STK33: variants seen among roughly 807,000 people sequenced by gnomAD.
The protein encoded by STK33 is serine/threonine kinase 33.
Under a neutral mutation model 58.0 loss-of-function variants are expected in STK33, and 52 were observed. That is an observed-to-expected ratio of 0.90 (90% confidence interval 0.72 to 1.13). The LOEUF (loss-of-function observed/expected upper bound fraction) is 1.13. Among genes scored for constraint, STK33 ranks in the 50% most tolerant of loss-of-function variants. The pLI, the probability that STK33 is intolerant of heterozygous loss-of-function variation, is 0.00. For synonymous variants in STK33, 215 were observed against 200.1 expected, an observed-to-expected ratio of 1.07 and a Z score of -0.63; for missense variants, 630 against 604.2, an observed-to-expected ratio of 1.04 and a Z score of -0.45.
the STK33 span, among the ~76,000 whole-genome samples, chr11:8,343,564 A>AC: frequency 1.3e-4 from 20 of 152,316 alleles, no homozygotes; most frequent in African/African-American, 4.8e-4. Flanking sequence ...AGAACAGGGA[A>AC]AGGGTGGGGA....
At chr11:8,429,409 CT>C (rs1943150441) in intron 14 of STK33, among the ~76,000 whole-genome samples, 1 of 152,188 alleles carries the variant, frequency 6.6e-6, no homozygotes, top group Non-Finnish European at 1.5e-5. Flanking sequence ...ACCAGCACTT[CT>C]AGACTTTAAT....
rs879392901 is a variant in STK33, at chr11:8,538,185, C to CA, written c.-466+55897dup. Among the ~76,000 whole-genome samples, 281 of 134,426 alleles carry CA rather than the reference C, an allele frequency of 2.1e-3. 1 individual carries two copies. Among genetic ancestry groups the CA allele is most frequent in the African/African-American group, 3.7e-3 (135 of 36,406 alleles). 88.2% of individuals were successfully genotyped at this position (134,426 alleles called of 152,430 possible). On this transcript the variant is annotated intron_variant, in intron 1 of 15. Transcript: ENST00000687296. ...CCTCAGTGGCAGAGCCAGACAGTATCAAAAAAAAAAAAGAGTAACAATAAC... is the reference window on the plus strand; with the variant it reads ...CCTCAGTGGCAGAGCCAGACAGTATCAAAAAAAAAAAAAGAGTAACAATAAC...
intron 1 of STK33, among the ~76,000 whole-genome samples, chr11:8,560,075 C>G (rs970405547): frequency 2.6e-5 from 4 of 152,042 alleles, no homozygotes; most frequent in African/African-American, 9.7e-5. Context: ...CAAATGGTTT[C>G]TATTACAAAT....
At chr11:8,371,631 TC>T in the STK33 span, among the ~76,000 whole-genome samples, 4 of 103,518 alleles carry the variant, frequency 3.9e-5, no homozygotes, top group East Asian at 5.1e-4. Flanking sequence ...TTTCCTTCCT[TC>T]CTTCTTTCTT....
Position 8,491,991 on chromosome 11 carries a change from C to T in STK33, c.-465-11377G>A, listed in dbSNP as rs560035046. Among the ~76,000 whole-genome samples, 308 of 152,234 alleles carry T rather than the reference C, an allele frequency of 2.0e-3. 2 individuals carry two copies. The highest frequency in any genetic ancestry group is 6.8e-3 in the African/African-American group (281 of 41,542). On this transcript the variant is annotated intron_variant, in intron 1 of 15. Coordinates refer to ENST00000687296, the MANE Select transcript of STK33 (RefSeq NM_001352389.2). ...ACCAGTACCAGCCACTGCAAAAACA[C>T]GCCAAATTGTAAAGACCATCAATGC...
chr11:8,508,924 C>T (rs937460811), intron 1 of STK33, among the ~76,000 whole-genome samples: 2 of 152,066 alleles, frequency 1.3e-5, no homozygotes, highest in Non-Finnish European at 2.9e-5. Context: ...CGAGACCAGC[C>T]TGACCAACAT....
intron 1 of STK33, among the ~76,000 whole-genome samples, chr11:8,518,379 G>T (rs1565250871): frequency 6.6e-6 from 1 of 152,132 alleles, no homozygotes; most frequent in African/African-American, 2.4e-5. Context: ...ACCAGCCACT[G>T]CAAAAAACAT....
chr11:8,516,428 G>A (rs1175809876), intron 1 of STK33, among the ~76,000 whole-genome samples: 3 of 152,234 alleles, frequency 2.0e-5, no homozygotes, highest in African/African-American at 4.8e-5. Flanking sequence ...CTCCCAGCGT[G>A]AGCGACAAAG....
chr11:8,544,319 GTA>G (rs947277357), intron 1 of STK33, among the ~76,000 whole-genome samples: 1 of 146,406 alleles, frequency 6.8e-6, no homozygotes, highest in Non-Finnish European at 1.5e-5. Context: ...TATAAAATAT[GTA>G]TATATATATT....
the STK33 span, among the ~76,000 whole-genome samples, chr11:8,359,390 A>T: frequency 6.6e-6 from 1 of 152,208 alleles, no homozygotes; most frequent in East Asian, 1.9e-4. Context: ...CAGGGAAAAA[A>T]GTTATGCGTA....
In STK33 at chr11:8,400,281, C is replaced by G. The variant is rs575066862; in HGVS notation, c.1345-7571G>C. Among the ~76,000 whole-genome samples, 536 of 152,166 alleles carry G rather than the reference C, an allele frequency of 3.5e-3. 1 individual carries two copies. The highest frequency in any genetic ancestry group is 0.01 in the Middle Eastern group (3 of 294). ...AAAAGCTTATCCACCATGATCAAGC[C>G]GGCTTCATCCCTGGGATGCAAGGCT... On this transcript the variant is annotated intron_variant, in intron 15 of 15. Coordinates refer to ENST00000687296, the MANE Select transcript of STK33 (RefSeq NM_001352389.2).
the STK33 span, among the ~76,000 whole-genome samples, chr11:8,338,260 C>A: frequency 6.6e-6 from 1 of 152,290 alleles, no homozygotes; most frequent in South Asian, 2.1e-4. Context: ...ACACAGGATG[C>A]CCAGCCCCGA....
At chr11:8,410,405 G>A (rs943278375) in intron 15 of STK33, among the ~76,000 whole-genome samples, 1 of 150,120 alleles carries the variant, frequency 6.7e-6, no homozygotes, top group African/African-American at 2.5e-5. Context: ...TAACAACTAG[G>A]TTTTCAGTCA....
At chr11:8,415,033 C>T (rs556026557) in intron 14 of STK33, among the ~76,000 whole-genome samples, 20 of 152,056 alleles carry the variant, frequency 1.3e-4, no homozygotes, top group Non-Finnish European at 2.6e-4. Flanking sequence ...CTCATCTGAA[C>T]GGGTTCTGCT....
At position 8,519,094 on chromosome 11, in the gene STK33, A is replaced by C. The variant is rs573406559; in HGVS notation, c.-465-38480T>G. On this transcript the variant is annotated intron_variant, in intron 1 of 15. Coordinates refer to ENST00000687296, the MANE Select transcript of STK33 (RefSeq NM_001352389.2). The stretch of plus-strand genomic sequence containing the variant: ...AAAATTGACCACATAGTTGGAAGTA[A>C]AGCACTCCTTAGCAAATGTAAAAGA... 1.3e-4 allele frequency among the ~76,000 whole-genome samples: 20 copies of C among 152,346 alleles called. No individual in the cohort carries two copies. In the South Asian group the frequency reaches 3.5e-3, roughly 27 times the overall value.
At chr11:8,500,296 G>GA (rs985158978) in intron 1 of STK33, among the ~76,000 whole-genome samples, 5 of 151,432 alleles carry the variant, frequency 3.3e-5, no homozygotes, top group African/African-American at 1.2e-4. Context: ...ATCCTGTATG[G>GA]AAAAAATCCT....
intron 9 of STK33, among the ~76,000 whole-genome samples, chr11:8,455,379 GAC>G (rs1325966966): frequency 6.6e-6 from 1 of 152,040 alleles, no homozygotes; most frequent in East Asian, 1.9e-4. Context: ...AAACCCTTGA[GAC>G]ACAAAATCTC....
chr11:8,344,332 T>C, the STK33 span, among the ~76,000 whole-genome samples: 4 of 152,124 alleles, frequency 2.6e-5, no homozygotes, highest in Admixed American at 2.6e-4. Flanking sequence ...CAGTGAGCTA[T>C]GATTACACCA....
At chr11:8,510,210 GGT>G (rs1952199433) in intron 1 of STK33, among the ~76,000 whole-genome samples, 1 of 152,120 alleles carries the variant, frequency 6.6e-6, no homozygotes, top group East Asian at 1.9e-4. Flanking sequence ...GCAGGAGTAA[GGT>G]ATCTCATTGT....
Sources: gnomAD v4.1 joint callset for allele counts (sites outside exome capture counted in the v4.1 genomes callset) on GRCh38, gnomAD v4.1.1 for gene constraint, MANE v1.5 for transcripts, NCBI Gene and HGNC (gene_info 2026-07-23, HGNC 2026-07-21) for gene names.